Variants in RSF1 observed in about 807,000 individuals in gnomAD.
RSF1 encodes HBV pX-associated protein 8.
A neutral mutation model predicts 145.2 loss-of-function variants in RSF1; 13 were observed. The observed-to-expected ratio is 0.09, with a 90% CI of 0.06 to 0.14. RSF1 has a LOEUF of 0.14. Among genes scored for constraint, RSF1 ranks in the 10% least tolerant of loss-of-function variants. The pLI is 1.00. For synonymous variants in RSF1, 577 were observed against 592.6 expected, an observed-to-expected ratio of 0.97 and a Z score of 0.38; for missense variants, 1,517 against 1,718.2, an observed-to-expected ratio of 0.88 and a Z score of 2.07.
chr11:77,813,820 G>GAT, intron 1 of RSF1: 1 of 168,112 alleles, frequency 5.9e-6, no homozygotes, highest in Non-Finnish European at 1.2e-5. Context: ...TTTGTAAAAG[G>GAT]ACACACACAC....
chr11:77,782,238 G>C (rs1024757983), intron 1 of RSF1, among the ~76,000 whole-genome samples: 5 of 152,026 alleles, frequency 3.3e-5, no homozygotes, highest in African/African-American at 1.2e-4. Flanking sequence ...CAAGGATTAG[G>C]CCAGAAGTGG....
rs557824586 is a variant in RSF1, at chr11:77,708,044, A to G, written c.734-5549T>C. Among the ~76,000 whole-genome samples, 73 of 152,262 alleles carry G rather than the reference A, an allele frequency of 4.8e-4. No individual in the cohort carries two copies. The South Asian group carries it at 0.015, about 30-fold the overall frequency. ...CCAAGTTTTCTATAGTGAACATGTAATATCTTTTTAACTAGATAAGTAAGA... is the reference window on the plus strand; with the variant it reads ...CCAAGTTTTCTATAGTGAACATGTAGTATCTTTTTAACTAGATAAGTAAGA... On this transcript the variant is annotated intron_variant, in intron 5 of 15. Transcript: ENST00000308488.
rs150731408 is a variant in RSF1, at chr11:77,665,065, A to G, written c.*1852T>C. 400 of 152,330 alleles carry G rather than the reference A, an allele frequency of 2.6e-3. 4 individuals are homozygous for G. The highest frequency in any genetic ancestry group is 9.2e-3 in the African/African-American group (384 of 41,568). The allele number at this position is 152,330 out of a possible 1,614,324, so 9.4% of individuals were successfully genotyped here. A position where few individuals can be genotyped will look rare whatever the true frequency, so the allele number is the denominator to read the frequency against. On this transcript the variant is annotated 3_prime_UTR_variant, in exon 16 of 16. Transcript: ENST00000308488. ...CTACAGAACTAAAGTGAAACAAAAC[A>G]AAACAACGAACAACTGAAAAACAAT...
chr11:77,845,064 G>A, the RSF1 span, among the ~76,000 whole-genome samples: 1 of 152,158 alleles, frequency 6.6e-6, no homozygotes, highest in Non-Finnish European at 1.5e-5. Context: ...ACTATGATAT[G>A]TCTAGGTATG....
At chr11:77,714,963 A>AT (rs774587912) in intron 5 of RSF1, among the ~76,000 whole-genome samples, 47 of 151,790 alleles carry the variant, frequency 3.1e-4, no homozygotes, top group Admixed American at 5.3e-4. Flanking sequence ...TACAAAAACA[A>AT]TTTTTTTTTA....
At chr11:77,867,332 C>T in the RSF1 span, among the ~76,000 whole-genome samples, 27 of 152,272 alleles carry the variant, frequency 1.8e-4, no homozygotes, top group Middle Eastern at 3.4e-3. Context: ...TATTCATTTT[C>T]ATACTTCGAG....
intron 1 of RSF1, among the ~76,000 whole-genome samples, chr11:77,768,443 G>A (rs1316158471): frequency 6.6e-6 from 1 of 152,066 alleles, no homozygotes; most frequent in Non-Finnish European, 1.5e-5. Flanking sequence ...TACAGGTGTT[G>A]AGCCACTGCG....
intron 1 of RSF1, among the ~76,000 whole-genome samples, chr11:77,810,829 G>C (rs1461708744): frequency 6.6e-6 from 1 of 152,196 alleles, no homozygotes; most frequent in Non-Finnish European, 1.5e-5. Context: ...ATCATCATCT[G>C]ATAAGACTTC....
At chr11:77,839,523 T>C in the RSF1 span, among the ~76,000 whole-genome samples, 2 of 152,202 alleles carry the variant, frequency 1.3e-5, no homozygotes, top group Non-Finnish European at 2.9e-5. Context: ...TGCACACATA[T>C]ATTCATTGCA....
chr11:77,683,870 G>T, intron 10 of RSF1, 51 bp from the exon 11 acceptor site: 1 of 1,399,426 alleles, frequency 7.1e-7, no homozygotes, highest in Non-Finnish European at 9.9e-7. Flanking sequence ...GCAGAACAAA[G>T]TTCCTTGGGA....
intron 5 of RSF1, among the ~76,000 whole-genome samples, chr11:77,711,382 G>A (rs1300001479): frequency 6.6e-6 from 1 of 152,146 alleles, no homozygotes; most frequent in Non-Finnish European, 1.5e-5. Context: ...AAAAGTTTGT[G>A]TATGTGGCCA....
At chr11:77,802,079 G>A (rs1336845981) in intron 1 of RSF1, among the ~76,000 whole-genome samples, 1 of 152,118 alleles carries the variant, frequency 6.6e-6, no homozygotes. Context: ...TGTGCTGGGG[G>A]ACAGAAGCGC....
In RSF1 at chr11:77,667,275, C is replaced by T. The variant is rs765445083; in HGVS notation, c.3968G>A (p.Arg1323His). ...GGGCAGGACCCTAGGCTGGCTGTCA[C>T]GGGCAGGCTGATTTGCATCTCCATG... ...NAHGDANQPA[R>H]DSQPRVLPSE... The change falls in exon 16 of 16, where the codon CGT becomes CAT. Residue 1323 changes from arginine to histidine, a missense_variant. This residue lies in a region of RSF1 where 240 missense variants were observed against 231.8 expected (regional missense o/e 1.04). Transcript: ENST00000308488. 27 of 1,614,038 alleles carry T rather than the reference C, an allele frequency of 1.7e-5. No homozygotes were observed. The highest frequency in any genetic ancestry group is 1.6e-4 in the Middle Eastern group (1 of 6,084).
intron 1 of RSF1, among the ~76,000 whole-genome samples, chr11:77,814,546 A>G (rs895368151): frequency 2.0e-5 from 3 of 152,060 alleles, no homozygotes; most frequent in East Asian, 1.9e-4. Context: ...CCCAGGTTCA[A>G]GCGATTCTCC....
chr11:77,781,513 T>C (rs1293046067), intron 1 of RSF1, among the ~76,000 whole-genome samples: 4 of 152,236 alleles, frequency 2.6e-5, no homozygotes, highest in African/African-American at 9.6e-5. Context: ...ATGAGTTGTG[T>C]GGTAGAGACA....
At chr11:77,687,449 G>C (rs1008105109) in intron 9 of RSF1, among the ~76,000 whole-genome samples, 2 of 152,108 alleles carry the variant, frequency 1.3e-5, no homozygotes, top group Non-Finnish European at 2.9e-5. Context: ...ATTTTGGGAG[G>C]CCAAGGTTAC....
intron 1 of RSF1, among the ~76,000 whole-genome samples, chr11:77,765,182 T>A (rs1948213262): frequency 6.6e-6 from 1 of 151,700 alleles, no homozygotes; most frequent in Admixed American, 6.6e-5. Context: ...ACAACTAAAG[T>A]TTGTATTGTT....
intron 1 of RSF1, among the ~76,000 whole-genome samples, chr11:77,787,155 G>A (rs563575106): frequency 6.6e-6 from 1 of 152,268 alleles, no homozygotes; most frequent in Non-Finnish European, 1.5e-5. Context: ...GTCAGGGATA[G>A]AACTGCTCCA....
chr11:77,725,715 A>C lies in RSF1; in HGVS notation c.579-16T>G. On this transcript the variant is annotated splice_polypyrimidine_tract_variant and intron_variant, in intron 4 of 15. Transcript: ENST00000308488. Reference sequence around the variant, plus strand: ...GTTTCGATTTCTAAACAAGGAAAAAAATAAGACAGCATAAAAACCTTTTTC... The same window carrying C: ...GTTTCGATTTCTAAACAAGGAAAAACATAAGACAGCATAAAAACCTTTTTC... 6.4e-7 allele frequency: 1 copy of C among 1,556,424 alleles called. No individual in the cohort carries two copies. The highest frequency in any genetic ancestry group is 8.7e-7 in the Non-Finnish European group (1 of 1,152,662).
Sources: gnomAD v4.1 joint callset for allele counts (sites outside exome capture counted in the v4.1 genomes callset) on GRCh38, gnomAD v4.1.1 for gene constraint, gnomAD v4.1.1 regional missense constraint, MANE v1.5 for transcripts, NCBI Gene and HGNC (gene_info 2026-07-23, HGNC 2026-07-21) for gene names.